TG: variants seen among roughly 807,000 people sequenced by gnomAD.
The protein encoded by TG is thyroid hormones.
A neutral mutation model predicts 324.7 loss-of-function variants in TG; 270 were observed. The observed-to-expected ratio is 0.83, with a 90% CI of 0.75 to 0.92. The LOEUF is 0.92. Ranked by LOEUF, TG falls within the 40% of genes least tolerant of loss-of-function variation. The pLI is 0.00. For synonymous variants in TG, 1,401 were observed against 1,327.0 expected, an observed-to-expected ratio of 1.06 and a Z score of -1.21; for missense variants, 3,591 against 3,456.4, an observed-to-expected ratio of 1.04 and a Z score of -0.98.
chr8:133,032,624 G>A (rs1465453580), intron 41 of TG, among the ~76,000 whole-genome samples: 2 of 152,230 alleles, frequency 1.3e-5, no homozygotes, highest in African/African-American at 4.8e-5. Context: ...GGAATTGAGA[G>A]AACTAAAATA....
chr8:132,873,268 A>G, intron 5 of TG, 47 bp downstream of exon 5: 2 of 1,610,370 alleles, frequency 1.2e-6, no homozygotes, highest in Non-Finnish European at 1.7e-6. Flanking sequence ...CACCTGACGC[A>G]GCCCACACTC....
chr8:133,064,945 G>A (rs1267445717), intron 41 of TG, among the ~76,000 whole-genome samples: 1 of 152,162 alleles, frequency 6.6e-6, no homozygotes, highest in East Asian at 1.9e-4. Context: ...ACCAAGGGAA[G>A]GCAGGTCATA....
intron 41 of TG, among the ~76,000 whole-genome samples, chr8:133,053,970 G>A (rs1042670722): frequency 6.6e-6 from 1 of 152,140 alleles, no homozygotes; most frequent in Non-Finnish European, 1.5e-5. Context: ...ATCACCATTA[G>A]CCAAACGGGA....
At position 132,907,369 on chromosome 8, in the gene TG, C is replaced by T. The variant is rs1818842019; in HGVS notation, c.3847+469C>T. On this transcript the variant is annotated intron_variant, in intron 17 of 47. Coordinates refer to ENST00000220616, the MANE Select transcript of TG (RefSeq NM_003235.5). ...GCTTAGCAGGAGGCCCTGGACTCTG[C>T]TCCAGGTAGGGCATCAGTCCTGATT... Among the ~76,000 whole-genome samples, 3 of 152,328 alleles carry T rather than the reference C, an allele frequency of 2.0e-5. No individual in the cohort carries two copies. The South Asian group carries it at 6.2e-4, about 32-fold the overall frequency.
chr8:132,978,127 C>A (rs926426528), intron 34 of TG, among the ~76,000 whole-genome samples: 2 of 152,174 alleles, frequency 1.3e-5, no homozygotes, highest in Non-Finnish European at 2.9e-5. Context: ...GCAAGCATGG[C>A]ACCAGCATCT....
intron 35 of TG, among the ~76,000 whole-genome samples, chr8:133,008,921 GT>G (rs1395039415): frequency 6.6e-6 from 1 of 152,194 alleles, no homozygotes; most frequent in Non-Finnish European, 1.5e-5. Flanking sequence ...TCCACAAAGA[GT>G]TTGTTCTCAG....
At chr8:132,918,583 G>T (rs1041747716) in intron 20 of TG, among the ~76,000 whole-genome samples, 2 of 152,258 alleles carry the variant, frequency 1.3e-5, no homozygotes, top group East Asian at 3.9e-4. Context: ...ATCTCAGCAC[G>T]TCCCACTCAT....
intron 41 of TG, among the ~76,000 whole-genome samples, chr8:133,054,539 G>A (rs542169205): frequency 6.6e-6 from 1 of 152,222 alleles, no homozygotes; most frequent in South Asian, 2.1e-4. Context: ...TGCATTTTAG[G>A]GCCTGCCTTA....
chr8:132,901,225 C>T (rs1488369440), intron 15 of TG, 128 bp from the exon 16 acceptor site: 1 of 1,102,958 alleles, frequency 9.1e-7, no homozygotes, highest in African/African-American at 1.5e-5. Context: ...GGAGGCAGCC[C>T]CAGACCCCTG....
chr8:133,064,527 C>T (rs1355683027), intron 41 of TG, among the ~76,000 whole-genome samples: 5 of 152,190 alleles, frequency 3.3e-5, no homozygotes, highest in East Asian at 3.9e-4. Context: ...CTCACATCTC[C>T]GGACTTCAGG....
At chr8:132,962,898 G>A in intron 28 of TG, 96 bp from the exon 29 acceptor site, 3 of 1,124,194 alleles carry the variant, frequency 2.7e-6, no homozygotes, top group Non-Finnish European at 4.1e-6. Context: ...TGGCTTTAGG[G>A]CCTGATTTTT....
At chr8:132,926,803 G>C (rs1483067083) in intron 22 of TG, among the ~76,000 whole-genome samples, 1 of 152,118 alleles carries the variant, frequency 6.6e-6, no homozygotes, top group East Asian at 1.9e-4. Context: ...AGGTTGCAAG[G>C]TGTCCAAGGA....
rs533428862 is a variant in TG at position 133,012,110 on chromosome 8, G to A, written c.6397+75G>A. The A allele has an allele frequency of 1.9e-6, 3 of 1,597,362 alleles. No homozygotes were observed. The Admixed American group carries it at 5.0e-5, about 27-fold the overall frequency. ...AGTGCTGCTCAAGATTCTCAACTTA[G>A]AAAAACACATGAGACACTACGATAA... On this transcript the variant is annotated intron_variant, in intron 36 of 47. Transcript: ENST00000220616.
chr8:132,887,878 T>C, intron 9 of TG, 106 bp from the exon 10 acceptor site: 1 of 1,062,528 alleles, frequency 9.4e-7, no homozygotes, highest in East Asian at 2.6e-5. Context: ...TTTCTATGGC[T>C]ATATAAGGTT....
At chr8:132,958,015 A>G (rs1827183983) in intron 27 of TG, among the ~76,000 whole-genome samples, 1 of 152,146 alleles carries the variant, frequency 6.6e-6, no homozygotes, top group South Asian at 2.1e-4. Flanking sequence ...CTTAGCTCCC[A>G]CATATCAGTG....
chr8:133,068,115 G>A (rs1012906176), intron 41 of TG, among the ~76,000 whole-genome samples: 2 of 152,186 alleles, frequency 1.3e-5, no homozygotes, highest in Admixed American at 1.3e-4. Context: ...TTGAAAAGTA[G>A]CAACTCAACA....
At chr8:132,974,396 C>T (rs1444138897) in intron 34 of TG, among the ~76,000 whole-genome samples, 5 of 152,188 alleles carry the variant, frequency 3.3e-5, no homozygotes, top group Admixed American at 6.5e-5. Context: ...GATGGATTTA[C>T]GTGGGTTATA....
intron 45 of TG, among the ~76,000 whole-genome samples, chr8:133,118,742 C>T (rs766803342): frequency 3.9e-5 from 6 of 152,096 alleles, no homozygotes; most frequent in African/African-American, 7.2e-5. Flanking sequence ...TTCGAGCTGC[C>T]GTAGTAAAAT....
chr8:132,866,980 C>G lies in TG; in HGVS notation c.-21C>G. On this transcript the variant is annotated 5_prime_UTR_variant, in exon 1 of 48. Transcript: ENST00000220616. ...GGCAAGCAGTGGTTTCTCCTCCTTC[C>G]TCCCAGGAAGGGCCAGGAAAATGGC... 2.5e-6 allele frequency: 4 copies of G among 1,577,544 alleles called. No individual in the cohort carries two copies. The highest frequency in any genetic ancestry group is 3.5e-6 in the Non-Finnish European group (4 of 1,158,942).
Sources: allele counts gnomAD v4.1 joint callset (sites outside exome capture counted in the v4.1 genomes callset), GRCh38; gene constraint gnomAD v4.1.1; transcripts MANE v1.5; gene names NCBI Gene and HGNC (gene_info 2026-07-23, HGNC 2026-07-21).